PRKN: variants seen among roughly 807,000 people sequenced by gnomAD.
PRKN encodes parkin RBR E3 ubiquitin protein ligase.
In PRKN, 56 loss-of-function variants were observed where a neutral mutation model predicts 59.5. The observed-to-expected ratio is 0.94, with a 90% CI of 0.76 to 1.18. The LOEUF is 1.18. Among genes scored for constraint, PRKN ranks in the 50% most tolerant of loss-of-function variants. The probability of loss-of-function intolerance (pLI) is 0.00; values close to 1 mark genes in which losing one functional copy is unlikely to be tolerated. For synonymous variants in PRKN, 250 were observed against 222.1 expected, an observed-to-expected ratio of 1.13 and a Z score of -1.12; for missense variants, 657 against 596.4, an observed-to-expected ratio of 1.10 and a Z score of -1.06.
chr6:162,529,904 C>T (rs1350947183), intron 1 of PRKN, among the ~76,000 whole-genome samples: 1 of 152,048 alleles, frequency 6.6e-6, no homozygotes, highest in African/African-American at 2.4e-5. Context: ...CCGAGGCAGG[C>T]AGATCACCCG....
intron 2 of PRKN, among the ~76,000 whole-genome samples, chr6:162,338,708 C>T (rs1473205594): frequency 5.9e-5 from 9 of 152,018 alleles, no homozygotes; most frequent in East Asian, 2.0e-4. Flanking sequence ...TCTGCCTGGC[C>T]GCCCATTGTC....
At chr6:162,424,530 T>TC (rs1016070401) in intron 2 of PRKN, among the ~76,000 whole-genome samples, 2 of 151,902 alleles carry the variant, frequency 1.3e-5, no homozygotes, top group African/African-American at 4.8e-5. Context: ...AGTCAGGAGT[T>TC]CAAGACCAGC....
At chr6:162,386,981 T>TG (rs1483076132) in intron 2 of PRKN, among the ~76,000 whole-genome samples, 1 of 152,144 alleles carries the variant, frequency 6.6e-6, no homozygotes, top group Non-Finnish European at 1.5e-5. Flanking sequence ...GTAAATACCT[T>TG]GTTCTCTGTG....
intron 2 of PRKN, among the ~76,000 whole-genome samples, chr6:162,338,646 G>C (rs1231246873): frequency 6.6e-6 from 1 of 152,072 alleles, no homozygotes; most frequent in Non-Finnish European, 1.5e-5. Flanking sequence ...CCAAAGTGCC[G>C]AGATTGCAGC....
At chr6:162,370,234 G>T (rs1044351927) in intron 2 of PRKN, among the ~76,000 whole-genome samples, 1 of 152,068 alleles carries the variant, frequency 6.6e-6, no homozygotes, top group Non-Finnish European at 1.5e-5. Flanking sequence ...AATCCTTTGT[G>T]ACAAGGTGGG....
chr6:161,423,105 G>A lies in PRKN; in HGVS notation c.1084-36228C>T, dbSNP rs1788180248. On this transcript the variant is annotated intron_variant, in intron 9 of 11. Transcript: ENST00000366898. The surrounding 1 kb of genome is among the most constrained non-coding windows in gnomAD (Gnocchi z 5.9). The stretch of plus-strand genomic sequence containing the variant: ...AGAAGGCCTTGAAACATCAGGAGCT[G>A]CAGCACTCTTAGAGCAGACTTGACA... 6.6e-6 allele frequency among the ~76,000 whole-genome samples: 1 copy of A among 152,212 alleles called. No homozygotes were observed.
chr6:162,403,088 G>A (rs752158503), intron 2 of PRKN, among the ~76,000 whole-genome samples: 14 of 152,034 alleles, frequency 9.2e-5, no homozygotes, highest in African/African-American at 4.8e-5. Flanking sequence ...TATCTTTTCC[G>A]CCTTGCTTTG....
At position 161,548,813 on chromosome 6, in the gene PRKN, G is replaced by A. The variant is rs757914388; in HGVS notation, c.1083+41C>T. On this transcript the variant is annotated intron_variant, in intron 9 of 11. Coordinates refer to ENST00000366898, the MANE Select transcript of PRKN (RefSeq NM_004562.3). The surrounding 1 kb of genome is among the most constrained non-coding windows in gnomAD (Gnocchi z 4.2). ...CCAGCCCATGTGCAAAAGCAAACAA[G>A]GACAGGAACACACCGCTCCAGGGGT... The A allele has an allele frequency of 1.7e-5, 27 of 1,597,120 alleles. No homozygotes were observed. The Admixed American group carries it at 4.0e-4, about 24-fold the overall frequency.
At chr6:162,339,178 G>A (rs1784011890) in intron 2 of PRKN, among the ~76,000 whole-genome samples, 1 of 149,252 alleles carries the variant, frequency 6.7e-6, no homozygotes, top group Non-Finnish European at 1.5e-5. Context: ...CCGCCCGGCA[G>A]CCACCCCATC....
intron 3 of PRKN, among the ~76,000 whole-genome samples, chr6:162,202,807 G>C (rs1784785685): frequency 6.6e-6 from 1 of 152,208 alleles, no homozygotes; most frequent in African/African-American, 2.4e-5. Context: ...GCAACATGCA[G>C]AGTATCAAAA....
intron 4 of PRKN, among the ~76,000 whole-genome samples, chr6:162,197,004 C>A (rs1363369409): frequency 6.6e-6 from 1 of 152,074 alleles, no homozygotes; most frequent in African/African-American, 2.4e-5. Context: ...GGTGGCTAAC[C>A]AGGTTCCAGT....
intron 1 of PRKN, among the ~76,000 whole-genome samples, chr6:162,470,590 C>CA (rs138799307): frequency 5.3e-5 from 8 of 151,444 alleles, no homozygotes; most frequent in East Asian, 3.9e-4. Flanking sequence ...AACTCTGTCT[C>CA]AAAAAAAAGT....
At chr6:162,414,709 T>TGAAAAAAAAAAAAAAAAAAAAAAAAAAAA (rs373871165) in intron 2 of PRKN, among the ~76,000 whole-genome samples, 1 of 44,544 alleles carries the variant, frequency 2.2e-5, no homozygotes. Context: ...AGACTCCGTC[T>TGAAAAAAAAAAAAAAAAAAAAAAAAAAAA]CAAAAAAAAA....
chr6:161,854,504 G>A (rs1043068787), intron 6 of PRKN, among the ~76,000 whole-genome samples: 4 of 152,048 alleles, frequency 2.6e-5, no homozygotes, highest in Non-Finnish European at 2.9e-5. Flanking sequence ...GTAGGTAGGT[G>A]TACTTACCTA....
intron 6 of PRKN, among the ~76,000 whole-genome samples, chr6:161,935,101 G>GGAGATTTCCCA (rs11270277): frequency 6.6e-6 from 1 of 151,440 alleles, no homozygotes; most frequent in African/African-American, 2.4e-5. Context: ...GAAAGTCTCT[G>GGAGATTTCCCA]GTGCCCTTTC....
At position 161,407,398 on chromosome 6, in the gene PRKN, G is replaced by A. The variant is rs1020407357; in HGVS notation, c.1084-20521C>T. The stretch of plus-strand genomic sequence containing the variant: ...CACTGGCACAATTGTTTGCTGGGAG[G>A]TAATTTAACAGGACTGAAATGCCTC... On this transcript the variant is annotated intron_variant, in intron 9 of 11. Transcript: ENST00000366898. The surrounding 1 kb of genome is among the most constrained non-coding windows in gnomAD (Gnocchi z 4.9). Among the ~76,000 whole-genome samples, 1 of 152,062 alleles carries A rather than the reference G, an allele frequency of 6.6e-6. No individual in the cohort carries two copies. Among genetic ancestry groups the A allele is most frequent in the Non-Finnish European group, 1.5e-5 (1 of 68,026 alleles).
At chr6:161,692,991 A>T (rs1785863834) in intron 7 of PRKN, among the ~76,000 whole-genome samples, 4 of 151,666 alleles carry the variant, frequency 2.6e-5, no homozygotes, top group Admixed American at 2.6e-4. Context: ...ATATTACCAC[A>T]TATTTTTAAA....
chr6:161,590,509 G>T (rs141078262), intron 7 of PRKN, among the ~76,000 whole-genome samples: 1 of 152,080 alleles, frequency 6.6e-6, no homozygotes, highest in African/African-American at 2.4e-5. Flanking sequence ...GAGGCGGGCC[G>T]ATCAGTTGAG....
chr6:161,752,405 C>G (rs1399386387), intron 7 of PRKN, among the ~76,000 whole-genome samples: 1 of 151,976 alleles, frequency 6.6e-6, no homozygotes, highest in Non-Finnish European at 1.5e-5. Context: ...ACAAAAAACT[C>G]GCTCAAGGTT....
Sources: allele counts gnomAD v4.1 joint callset (sites outside exome capture counted in the v4.1 genomes callset), GRCh38; gene constraint gnomAD v4.1.1; non-coding constraint Gnocchi (gnomAD v3.1); transcripts MANE v1.5; gene names NCBI Gene and HGNC (gene_info 2026-07-23, HGNC 2026-07-21).